The following IRF2 variants were observed in gnomAD, a reference collection of about 807,000 sequenced individuals.
IRF2 encodes interferon regulatory factor 2.
Under a neutral mutation model 40.6 loss-of-function variants are expected in IRF2, and 15 were observed. The observed-to-expected ratio is 0.37, with a 90% CI of 0.25 to 0.57. IRF2 has a LOEUF of 0.57. Among genes scored for constraint, IRF2 ranks in the 20% least tolerant of loss-of-function variants. IRF2 has a pLI of 0.77. For missense variants in IRF2, 317 were observed against 455.7 expected (o/e 0.70, Z 2.77); for synonymous variants, 151 against 165.5 (o/e 0.91, Z 0.67).
chr4:184,393,821 G>A (rs577390264), intron 7 of IRF2, among the ~76,000 whole-genome samples: 7 of 152,136 alleles, frequency 4.6e-5, no homozygotes, highest in Non-Finnish European at 8.8e-5. Flanking sequence ...CCTGAGGGGA[G>A]CAGTTCTCTC....
intron 5 of IRF2, among the ~76,000 whole-genome samples, chr4:184,412,693 C>T (rs1029544700): frequency 4.6e-5 from 7 of 152,030 alleles, no homozygotes; most frequent in South Asian, 2.1e-4. Context: ...GCCTCCTGCC[C>T]GGTCCCAGAA....
intron 1 of IRF2, among the ~76,000 whole-genome samples, chr4:184,441,250 T>A (rs756862716): frequency 6.7e-4 from 102 of 152,306 alleles, no homozygotes; most frequent in Admixed American, 2.0e-3. Context: ...ACCAGCACTA[T>A]CCAGTAGACA....
At chr4:184,441,633 T>C (rs1331785385) in intron 1 of IRF2, among the ~76,000 whole-genome samples, 1 of 152,192 alleles carries the variant, frequency 6.6e-6, no homozygotes, top group African/African-American at 2.4e-5. Flanking sequence ...TTGAAAATGA[T>C]ACCAGCTGGC....
At chr4:184,455,434 C>T (rs1237853869) in intron 1 of IRF2, among the ~76,000 whole-genome samples, 1 of 151,056 alleles carries the variant, frequency 6.6e-6, no homozygotes, top group Non-Finnish European at 1.5e-5. Context: ...CATGAGCCAC[C>T]GCACTCAGCC....
Position 184,389,011 on chromosome 4 carries a change from A to G in IRF2, c.797T>C (p.Met266Thr). Residue 266 changes from methionine (M) to threonine (T), a missense_variant, in exon 9 of 9, where the codon ATG becomes ACG. This residue lies in a region of IRF2 where 262 missense variants were observed against 334.0 expected (regional missense o/e 0.78). Coordinates refer to ENST00000393593, the MANE Select transcript of IRF2 (RefSeq NM_002199.4). The part of the protein sequence containing the change: ...NIEGKQYLSN[M>T]GTRGSYLLPG... ...CAGCAGGTAGGAGCCTCGAGTCCCC[A>G]TGTTGCTGAGGTACTGTTTGCCTTC... The G allele has an allele frequency of 6.2e-7, 1 of 1,614,176 alleles. No individual in the cohort carries two copies. The highest frequency in any genetic ancestry group is 8.5e-7 in the Non-Finnish European group (1 of 1,180,030).
intron 1 of IRF2, among the ~76,000 whole-genome samples, chr4:184,434,256 T>G (rs1176162556): frequency 1.3e-5 from 2 of 152,176 alleles, no homozygotes; most frequent in African/African-American, 2.4e-5. Context: ...ATCAGGACAT[T>G]GTGTCGCGAC....
At chr4:184,405,091 A>C (rs1183816313) in intron 6 of IRF2, among the ~76,000 whole-genome samples, 2 of 152,130 alleles carry the variant, frequency 1.3e-5, no homozygotes, top group Admixed American at 6.5e-5. Context: ...AAATACAAAA[A>C]AAATTACCCA....
At chr4:184,390,155 G>A (rs1365603187) in intron 8 of IRF2, among the ~76,000 whole-genome samples, 3 of 152,130 alleles carry the variant, frequency 2.0e-5, no homozygotes, top group Admixed American at 2.0e-4. Context: ...TGGCCAGCAG[G>A]AATGCTTTCC....
intron 5 of IRF2, among the ~76,000 whole-genome samples, chr4:184,411,409 T>C (rs887884020): frequency 2.6e-5 from 4 of 152,118 alleles, no homozygotes; most frequent in South Asian, 2.1e-4. Flanking sequence ...ACTTCTATAA[T>C]GGCATCATAT....
At chr4:184,390,857 C>A in intron 7 of IRF2, 108 bp from the exon 8 acceptor site, 1 of 1,083,870 alleles carries the variant, frequency 9.2e-7, no homozygotes, top group Non-Finnish European at 1.4e-6. Context: ...CGCATCACCT[C>A]CCTCCCTTTG....
chr4:184,473,441 C>A (rs1338400627), intron 1 of IRF2, among the ~76,000 whole-genome samples: 3 of 147,542 alleles, frequency 2.0e-5, no homozygotes, highest in Non-Finnish European at 3.0e-5. Context: ...GGGCGGCTGA[C>A]CCCTCGGCAC....
At chr4:184,426,470 A>G (rs1229972718) in intron 2 of IRF2, among the ~76,000 whole-genome samples, 1 of 151,928 alleles carries the variant, frequency 6.6e-6, no homozygotes, top group East Asian at 1.9e-4. Context: ...TTATAAAGAC[A>G]CTCCTCATTG....
At chr4:184,436,268 C>G (rs1561111749) in intron 1 of IRF2, among the ~76,000 whole-genome samples, 1 of 152,176 alleles carries the variant, frequency 6.6e-6, no homozygotes, top group Non-Finnish European at 1.5e-5. Context: ...AGCCACTGCG[C>G]CCGGCCATGG....
At chr4:184,428,492 C>T (rs1439276148) in intron 2 of IRF2, among the ~76,000 whole-genome samples, 4 of 152,196 alleles carry the variant, frequency 2.6e-5, no homozygotes, top group African/African-American at 7.2e-5. Context: ...AGGCTACAGT[C>T]GTACAGGATA....
intron 8 of IRF2, among the ~76,000 whole-genome samples, chr4:184,390,164 C>T (rs937266868): frequency 6.6e-5 from 10 of 152,328 alleles, no homozygotes; most frequent in African/African-American, 2.2e-4. Context: ...GGAATGCTTT[C>T]CATCTCCATT....
chr4:184,420,393 C>T (rs1263600666), intron 2 of IRF2, among the ~76,000 whole-genome samples: 1 of 152,190 alleles, frequency 6.6e-6, no homozygotes, highest in Non-Finnish European at 1.5e-5. Context: ...GCTTGTGCAT[C>T]CAACAGAAAT....
intron 2 of IRF2, among the ~76,000 whole-genome samples, chr4:184,420,704 A>G (rs891605215): frequency 6.6e-6 from 1 of 152,316 alleles, no homozygotes; most frequent in Middle Eastern, 3.4e-3. Context: ...ACCGGCAGGT[A>G]CTAAGGTCCC....
At chr4:184,436,761 T>C (rs1167401586) in intron 1 of IRF2, among the ~76,000 whole-genome samples, 1 of 152,224 alleles carries the variant, frequency 6.6e-6, no homozygotes, top group East Asian at 1.9e-4. Context: ...AACTGTCTTA[T>C]GCACCAACAG....
At chr4:184,429,094 C>A in intron 1 of IRF2, 24 bp from the exon 2 acceptor site, 1 of 1,593,466 alleles carries the variant, frequency 6.3e-7, no homozygotes, top group South Asian at 1.1e-5. Flanking sequence ...AACACAGCGT[C>A]AGGCGTTGGT....
Sources: gnomAD v4.1 joint callset for allele counts (sites outside exome capture counted in the v4.1 genomes callset) on GRCh38, gnomAD v4.1.1 for gene constraint, gnomAD v4.1.1 regional missense constraint, MANE v1.5 for transcripts, NCBI Gene and HGNC (gene_info 2026-07-23, HGNC 2026-07-21) for gene names.